RHOH: variants seen among roughly 807,000 people sequenced by gnomAD.
RHOH encodes the protein rho-related GTP-binding protein RhoH.
A neutral mutation model predicts 13.8 loss-of-function variants in RHOH; 6 were observed. The observed-to-expected ratio is 0.44, with a 90% confidence interval of 0.24 to 0.86. The LOEUF (loss-of-function observed/expected upper bound fraction) is 0.86. Ranked by LOEUF, RHOH falls within the 40% of genes least tolerant of loss-of-function variation. The pLI is 0.24. For synonymous variants in RHOH, 117 were observed against 103.0 expected, an observed-to-expected ratio of 1.14 and a Z score of -0.82; for missense variants, 147 against 244.5, an observed-to-expected ratio of 0.60 and a Z score of 2.66.
intron 1 of RHOH, among the ~76,000 whole-genome samples, chr4:40,210,907 A>G (rs1392027821): frequency 1.3e-5 from 2 of 152,190 alleles, no homozygotes; most frequent in Non-Finnish European, 2.9e-5. Context: ...TCTTAGGGAG[A>G]TGATGTTGAA....
intron 1 of RHOH, among the ~76,000 whole-genome samples, chr4:40,223,505 C>G (rs898036962): frequency 2.5e-5 from 3 of 119,658 alleles, no homozygotes; most frequent in Non-Finnish European, 4.9e-5. Context: ...GGGTCTTGCT[C>G]TGTTGCCCAG....
intron 1 of RHOH, among the ~76,000 whole-genome samples, chr4:40,223,131 G>C (rs1376338957): frequency 6.6e-6 from 1 of 152,148 alleles, no homozygotes; most frequent in Non-Finnish European, 1.5e-5. Flanking sequence ...TCTTGAGACA[G>C]AATCTACTTC....
chr4:40,195,415 T>TTCCC (rs1214682535), upstream of RHOH, among the ~76,000 whole-genome samples: 1 of 127,952 alleles, frequency 7.8e-6, no homozygotes, highest in Non-Finnish European at 1.7e-5. Context: ...CCTTCCTTCC[T>TTCCC]TCCCTCCCCT....
rs1230653910 is a variant in RHOH at position 40,246,839 on chromosome 4, A to G, written c.*2877A>G. 6.6e-6 allele frequency: 1 copy of G among 152,236 alleles called. No homozygotes were observed. Among genetic ancestry groups the G allele is most frequent in the Non-Finnish European group, 1.5e-5 (1 of 68,036 alleles). The allele number at this position is 152,236 out of a possible 1,614,324, so 9.4% of individuals were successfully genotyped here. On this transcript the variant is annotated 3_prime_UTR_variant, in exon 3 of 3. Coordinates refer to ENST00000381799, the MANE Select transcript of RHOH (RefSeq NM_004310.5). ...CACATACTTACTTTTGCCTGCCTAGATGCAGACACAGGTTTCTTATACTTC... is the reference window on the plus strand; with the variant it reads ...CACATACTTACTTTTGCCTGCCTAGGTGCAGACACAGGTTTCTTATACTTC...
chr4:40,225,660 A>G (rs933914182), intron 1 of RHOH, among the ~76,000 whole-genome samples: 1 of 152,212 alleles, frequency 6.6e-6, no homozygotes, highest in African/African-American at 2.4e-5. Flanking sequence ...AAGAATCTTT[A>G]AAATGCTGTA....
intron 1 of RHOH, among the ~76,000 whole-genome samples, chr4:40,241,848 C>T (rs984070029): frequency 2.0e-5 from 3 of 152,142 alleles, no homozygotes; most frequent in Non-Finnish European, 4.4e-5. Context: ...TGTGATGACA[C>T]CACTGCACTC....
At chr4:40,217,188 G>C (rs1346589872) in intron 1 of RHOH, among the ~76,000 whole-genome samples, 1 of 152,132 alleles carries the variant, frequency 6.6e-6, no homozygotes, top group Admixed American at 6.5e-5. Context: ...GGAGGGTCGG[G>C]GTCTTGGAGT....
intron 1 of RHOH, among the ~76,000 whole-genome samples, chr4:40,211,828 A>C (rs1429610202): frequency 6.6e-6 from 1 of 152,148 alleles, no homozygotes; most frequent in Non-Finnish European, 1.5e-5. Flanking sequence ...TTTTAGCTGG[A>C]TTGTTTTTTC....
chr4:40,206,769 A>C (rs1724689456), intron 1 of RHOH, among the ~76,000 whole-genome samples: 1 of 152,248 alleles, frequency 6.6e-6, no homozygotes, highest in Non-Finnish European at 1.5e-5. Flanking sequence ...CTAAACACAG[A>C]ATATCCGGCA....
chr4:40,211,145 T>C (rs1725221019), intron 1 of RHOH, among the ~76,000 whole-genome samples: 1 of 152,260 alleles, frequency 6.6e-6, no homozygotes, highest in African/African-American at 2.4e-5. Context: ...AACTGTGTCT[T>C]ATTTCGATGT....
At chr4:40,238,229 G>A (rs142770237) in intron 1 of RHOH, among the ~76,000 whole-genome samples, 50 of 152,140 alleles carry the variant, frequency 3.3e-4, no homozygotes, top group African/African-American at 1.2e-3. Context: ...ATCTGGCAGC[G>A]GCTGGGGAGC....
At chr4:40,209,129 T>G (rs902447025) in intron 1 of RHOH, among the ~76,000 whole-genome samples, 6 of 152,156 alleles carry the variant, frequency 3.9e-5, no homozygotes, top group African/African-American at 9.6e-5. Flanking sequence ...GATTCTGACA[T>G]GAGAGTTTTT....
chr4:40,199,706 A>T (rs1041125989), intron 1 of RHOH, among the ~76,000 whole-genome samples: 1 of 152,144 alleles, frequency 6.6e-6, no homozygotes, highest in South Asian at 2.1e-4. Context: ...TTATCTTACA[A>T]TGTGTTAATT....
intron 1 of RHOH, among the ~76,000 whole-genome samples, chr4:40,200,891 A>G (rs1016726845): frequency 1.3e-5 from 2 of 152,260 alleles, no homozygotes; most frequent in African/African-American, 4.8e-5. Context: ...TAGAATACTA[A>G]TGAATTGCTT....
chr4:40,221,169 T>G (rs1410193889), intron 1 of RHOH, among the ~76,000 whole-genome samples: 1 of 152,204 alleles, frequency 6.6e-6, no homozygotes, highest in Non-Finnish European at 1.5e-5. Flanking sequence ...AAATCTCGAT[T>G]TACCCATCAT....
chr4:40,229,057 C>T (rs1727577408), intron 1 of RHOH, among the ~76,000 whole-genome samples: 1 of 152,076 alleles, frequency 6.6e-6, no homozygotes, highest in Admixed American at 6.6e-5. Flanking sequence ...GCCCTTACTT[C>T]CCAGGAATAG....
At chr4:40,226,277 A>G (rs1275793235) in intron 1 of RHOH, among the ~76,000 whole-genome samples, 3 of 152,242 alleles carry the variant, frequency 2.0e-5, no homozygotes, top group African/African-American at 4.8e-5. Flanking sequence ...CTGTAGTCCC[A>G]GCACTTTGGG....
rs1183141510 is a variant in RHOH, at chr4:40,218,295, T to C, written c.-331+20995T>C. The C allele has an allele frequency of 6.6e-6, 1 of 152,204 alleles. No homozygotes were observed. The highest frequency in any genetic ancestry group is 1.5e-5 in the Non-Finnish European group (1 of 68,042). 9.4% of individuals were successfully genotyped at this position (152,204 alleles called of 1,614,324 possible). A position where few individuals can be genotyped will look rare whatever the true frequency, so the allele number is the denominator to read the frequency against. ...TTTCTCCAAGCTTCCGAGAGCTCTC[T>C]CAGGTATTTATTATATGCACGTTCT... On this transcript the variant is annotated intron_variant, in intron 1 of 2. Transcript: ENST00000381799. This position sits in a 1 kb window ranked among gnomAD's most constrained non-coding sequence, Gnocchi z 4.1.
intron 1 of RHOH, among the ~76,000 whole-genome samples, chr4:40,224,606 GA>G (rs1336635456): frequency 6.6e-6 from 1 of 152,226 alleles, no homozygotes; most frequent in Non-Finnish European, 1.5e-5. Context: ...CGCTGGCAGT[GA>G]AAAAGTCAGA....
Sources: allele counts gnomAD v4.1 joint callset (sites outside exome capture counted in the v4.1 genomes callset), GRCh38; gene constraint gnomAD v4.1.1; non-coding constraint Gnocchi (gnomAD v3.1); transcripts MANE v1.5; gene names NCBI Gene and HGNC (gene_info 2026-07-23, HGNC 2026-07-21).